Variants in SBNO2 observed in about 807,000 individuals in gnomAD.
SBNO2 encodes the protein protein strawberry notch homolog 2.
Under a neutral mutation model 146.3 loss-of-function variants are expected in SBNO2, and 89 were observed. The ratio of observed to expected loss-of-function variants is 0.61; its 90% CI spans 0.51 to 0.73. The LOEUF (loss-of-function observed/expected upper bound fraction) is 0.73. SBNO2 is among the 30% of genes least tolerant of loss of function. SBNO2 has a pLI of 0.00. For synonymous variants in SBNO2, 1,147 were observed against 892.6 expected (o/e 1.29, Z -5.08); for missense variants, 2,092 against 2,003.7 (o/e 1.04, Z -0.84).
Position 1,126,669 on chromosome 19 carries a change from C to T in SBNO2, c.441+935G>A, listed in dbSNP as rs1344387520. ...CCCGGGTTGCCCCTTCCTGAGGGCC[C>T]GGGAGAGCGGCCTATGGGTGTGAGC... is the stretch of plus-strand genomic sequence containing the variant. On this transcript the variant is annotated intron_variant, in intron 5 of 31. Transcript: ENST00000361757. This position sits in a 1 kb window ranked among gnomAD's most constrained non-coding sequence, Gnocchi z 4.4. Among the ~76,000 whole-genome samples the T allele has an allele frequency of 2.6e-5, 4 of 152,188 alleles. No homozygotes were observed. Among genetic ancestry groups the T allele is most frequent in the African/African-American group, 7.2e-5 (3 of 41,448 alleles).
Position 1,119,125 on chromosome 19 carries a change from C to T in SBNO2, c.1413G>A (p.Lys471=). Residue 471 remains lysine, a synonymous_variant, in exon 14 of 32, where the codon AAG becomes AAA. Transcript: ENST00000361757. ...GAMEIVAMDM[K]VSGMYIARQL... is the part of the protein sequence containing the mutation. ...GGCGTGCGATGTACATGCCGCTGAC[C>T]TTCATGTCCATGGCCACGATCTCCA... The T allele has an allele frequency of 6.2e-7, 1 of 1,604,556 alleles. No homozygotes were observed. Among genetic ancestry groups the T allele is most frequent in the Non-Finnish European group, 8.5e-7 (1 of 1,176,798 alleles).
At position 1,173,044 on chromosome 19, in the gene SBNO2, A is replaced by G. The variant is rs2080496707; in HGVS notation, c.-127+1128T>C. The stretch of plus-strand genomic sequence containing the variant: ...AATGTTAATCAGTTCATCCAGGGAG[A>G]CACCCACCGTCCCTGCCCCAGCACC... On this transcript the variant is annotated intron_variant, in intron 1 of 31. Coordinates refer to ENST00000361757, the MANE Select transcript of SBNO2 (RefSeq NM_014963.3). This position sits in a 1 kb window ranked among gnomAD's most constrained non-coding sequence, Gnocchi z 4.7. Among the ~76,000 whole-genome samples, 1 of 147,872 alleles carries G rather than the reference A, an allele frequency of 6.8e-6. No homozygotes were observed. The highest frequency in any genetic ancestry group is 2.1e-4 in the South Asian group (1 of 4,664).
At chr19:1,145,092 T>C (rs989989605) in intron 4 of SBNO2, among the ~76,000 whole-genome samples, 7 of 116,118 alleles carry the variant, frequency 6.0e-5, no homozygotes, top group Non-Finnish European at 1.1e-4. Flanking sequence ...GAGAGGGAGA[T>C]AGGCAGAGAG....
At chr19:1,162,836 G>A (rs760931344) in intron 1 of SBNO2, among the ~76,000 whole-genome samples, 1 of 152,226 alleles carries the variant, frequency 6.6e-6, no homozygotes, top group Admixed American at 6.5e-5. Flanking sequence ...TCCAGCCGCC[G>A]GACAGCGTTC....
At chr19:1,169,315 A>G (rs1028645710) in intron 1 of SBNO2, among the ~76,000 whole-genome samples, 2 of 152,218 alleles carry the variant, frequency 1.3e-5, no homozygotes, top group African/African-American at 2.4e-5. Flanking sequence ...CAGGAGAGCC[A>G]GGGCACAGGG....
rs771050439 is a variant in SBNO2 at position 1,123,939 on chromosome 19, C to T, written c.522+3G>A. ...AGGGAGCTCTCGGCTGGGCCCAGCT[C>T]ACCTGGTAGCTGACGAGAAGCGGGG... is the stretch of plus-strand genomic sequence containing the variant. On this transcript the variant is annotated splice_donor_region_variant and intron_variant, in intron 6 of 31. Coordinates refer to ENST00000361757, the MANE Select transcript of SBNO2 (RefSeq NM_014963.3). The T allele has an allele frequency of 6.2e-6, 10 of 1,610,666 alleles. No individual in the cohort carries two copies. In the African/African-American group the frequency reaches 1.1e-4, roughly 17 times the overall value.
chr19:1,172,415 G>A, intron 1 of SBNO2, among the ~76,000 whole-genome samples: 1 of 152,200 alleles, frequency 6.6e-6, no homozygotes, highest in East Asian at 1.9e-4. Context: ...GGAAAATCTG[G>A]GGCCGGGCAG....
Position 1,112,657 on chromosome 19 carries a change from G to A in SBNO2, c.2380-120C>T, listed in dbSNP as rs2079779473. 2.1e-6 allele frequency: 3 copies of A among 1,443,990 alleles called. No homozygotes were observed. The highest frequency in any genetic ancestry group is 2.8e-5 in the African/African-American group (2 of 70,480). 89.4% of individuals were successfully genotyped at this position (1,443,990 alleles called of 1,614,324 possible). A position where few individuals can be genotyped will look rare whatever the true frequency, so the allele number is the denominator to read the frequency against. ...CCAGGACGTCCCGGGGCAGCGAGAG[G>A]CCTGCGGGGCGCGGACACCACCCGC... On this transcript the variant is annotated intron_variant, in intron 20 of 31. Transcript: ENST00000361757. The surrounding 1 kb of genome is among the most constrained non-coding windows in gnomAD (Gnocchi z 5.9).
At chr19:1,151,446 A>T (rs2080241795) in intron 2 of SBNO2, among the ~76,000 whole-genome samples, 1 of 152,186 alleles carries the variant, frequency 6.6e-6, no homozygotes, top group Non-Finnish European at 1.5e-5. Flanking sequence ...TCCCTCCCAC[A>T]GCCCATGGCT....
chr19:1,121,215 A>C (rs924298103), intron 11 of SBNO2, among the ~76,000 whole-genome samples: 1 of 152,240 alleles, frequency 6.6e-6, no homozygotes, highest in Admixed American at 6.5e-5. Context: ...AAGACGAAAG[A>C]AAGCCAAGTT....
intron 4 of SBNO2, among the ~76,000 whole-genome samples, chr19:1,146,495 T>C (rs1384224447): frequency 6.6e-6 from 1 of 152,022 alleles, no homozygotes; most frequent in Non-Finnish European, 1.5e-5. Context: ...CACATGCCCA[T>C]TACACAGGGG....
At chr19:1,113,005 T>C in intron 19 of SBNO2, 56 bp from the exon 20 acceptor site, 1 of 1,504,066 alleles carries the variant, frequency 6.6e-7, no homozygotes, top group Non-Finnish European at 8.9e-7. Context: ...CGCAGGAGTC[T>C]GGCCACCCGT....
rs532959587 is a variant in SBNO2, at chr19:1,110,776, C to T, written c.2997G>A (p.Lys999=). ...DTFDHLIEMD[K]REGKYDMGIL... is the part of the protein sequence containing the mutation. ...TGCCCATGTCGTATTTGCCCTCCCG[C>T]TTGTCCATCTCGATGAGGTGGTCGA... Residue 999 remains lysine (K), a synonymous_variant, in exon 26 of 32, where the codon AAG becomes AAA. Transcript: ENST00000361757. This position sits in a 1 kb window ranked among gnomAD's most constrained non-coding sequence, Gnocchi z 4.9. 7.1e-5 allele frequency: 115 copies of T among 1,613,706 alleles called. 1 individual carries two copies. The highest frequency in any genetic ancestry group is 6.0e-4 in the South Asian group (55 of 91,086).
chr19:1,108,217 G>GT lies in SBNO2; in HGVS notation c.*2dup. The GT allele has an allele frequency of 6.5e-7, 1 of 1,527,318 alleles. No individual in the cohort carries two copies. Among genetic ancestry groups the GT allele is most frequent in the Non-Finnish European group, 8.8e-7 (1 of 1,135,256 alleles). 94.6% of individuals were successfully genotyped at this position (1,527,318 alleles called of 1,614,324 possible). On this transcript the variant is annotated 3_prime_UTR_variant, in exon 32 of 32. Transcript: ENST00000361757. ...CTTGGGGCATGTTTCGCCTAAAGGC[G>GT]TGTCAGAGAGGAGCCTGGGCGCCGG... is the stretch of plus-strand genomic sequence containing the variant.
In SBNO2 at chr19:1,140,879, C is replaced by T. The variant is rs1454418160; in HGVS notation, c.279+6430G>A. Among the ~76,000 whole-genome samples, 1 of 152,204 alleles carries T rather than the reference C, an allele frequency of 6.6e-6. No homozygotes were observed. Among genetic ancestry groups the T allele is most frequent in the Non-Finnish European group, 1.5e-5 (1 of 68,026 alleles). ...GCCAAAGTTACCAGCATCAGCACAA[C>T]ACGCGCAACGCCAGGCACTCCGGTC... On this transcript the variant is annotated intron_variant, in intron 4 of 31. Transcript: ENST00000361757. The surrounding 1 kb of genome is among the most constrained non-coding windows in gnomAD (Gnocchi z 4.4).
chr19:1,147,439 G>T lies in SBNO2; in HGVS notation c.168-19C>A, dbSNP rs576889686. On this transcript the variant is annotated intron_variant, in intron 3 of 31. Transcript: ENST00000361757. ...GAACGGGCTGGAGGGAGATGGGGGG[G>T]GGGGAGGTGAGATGGGGTGCTCAAC... 58 of 1,265,148 alleles carry T rather than the reference G, an allele frequency of 4.6e-5. 4 individuals are homozygous for T. The highest frequency in any genetic ancestry group is 7.9e-5 in the African/African-American group (5 of 63,616). The allele number at this position is 1,265,148 out of a possible 1,614,324, so 78.4% of individuals were successfully genotyped here. A position where few individuals can be genotyped will look rare whatever the true frequency, so the allele number is the denominator to read the frequency against.
chr19:1,161,127 G>A (rs2080339538), intron 1 of SBNO2, among the ~76,000 whole-genome samples: 2 of 49,438 alleles, frequency 4.0e-5, no homozygotes, highest in Non-Finnish European at 8.2e-5. Context: ...GAGCACTGGA[G>A]ATGGAGGTAG....
intron 2 of SBNO2, among the ~76,000 whole-genome samples, chr19:1,151,790 G>A (rs1291966005): frequency 6.6e-6 from 1 of 152,210 alleles, no homozygotes. Flanking sequence ...AGCCTCATGC[G>A]TAGCTGGGAT....
intron 5 of SBNO2, 195 bp downstream of exon 5, chr19:1,127,409 C>T (rs1050943398): frequency 3.3e-6 from 2 of 608,602 alleles, no homozygotes; most frequent in African/African-American, 1.8e-5. Flanking sequence ...TGGACGTCGC[C>T]TTCTCCTATT....
Sources: gnomAD v4.1 joint callset for allele counts (sites outside exome capture counted in the v4.1 genomes callset) on GRCh38, gnomAD v4.1.1 for gene constraint, Gnocchi (gnomAD v3.1) non-coding constraint, MANE v1.5 for transcripts, NCBI Gene and HGNC (gene_info 2026-07-23, HGNC 2026-07-21) for gene names.